Variants in KRT3 observed in about 807,000 individuals in gnomAD.
The protein encoded by KRT3 is keratin 3.
In KRT3, 34 loss-of-function variants were observed where a neutral mutation model predicts 45.8. The observed-to-expected ratio is 0.74, with a 90% CI of 0.57 to 0.99. KRT3 has a LOEUF of 0.99. Ranked by LOEUF, KRT3 falls within the 50% of genes least tolerant of loss-of-function variation. KRT3 has a pLI of 0.00. For missense variants in KRT3, 828 were observed against 820.6 expected, an observed-to-expected ratio of 1.01 and a Z score of -0.11; for synonymous variants, 367 against 329.0, an observed-to-expected ratio of 1.12 and a Z score of -1.25.
At chr12:52,794,475 G>C (rs535313404) in intron 1 of KRT3, 144 bp from the exon 2 acceptor site, 1 of 634,940 alleles carries the variant, frequency 1.6e-6, no homozygotes, top group South Asian at 1.9e-5. Context: ...TCCTACTGTA[G>C]TCAGAGAGAT....
At chr12:52,794,014 G>C in intron 2 of KRT3, 97 bp downstream of exon 2, 1 of 875,100 alleles carries the variant, frequency 1.1e-6, no homozygotes, top group Non-Finnish European at 1.9e-6. Context: ...TGGGCCAGGA[G>C]ACGCCACTGC....
intron 5 of KRT3, among the ~76,000 whole-genome samples, 193 bp from the exon 6 acceptor site, chr12:52,792,009 C>T (rs754262938): frequency 3.3e-5 from 5 of 152,194 alleles, no homozygotes; most frequent in Admixed American, 6.5e-5. Flanking sequence ...AGAAGATTTT[C>T]CTACCCTGTA....
chr12:52,790,087 G>A lies in KRT3; in HGVS notation c.1842C>T (p.Ile614=). The A allele has an allele frequency of 1.3e-6, 2 of 1,542,058 alleles. No homozygotes were observed. The highest frequency in any genetic ancestry group is 1.7e-6 in the Non-Finnish European group (2 of 1,146,890). The change falls in exon 9 of 9, where the codon ATC becomes ATT. Residue 614 remains isoleucine (I), a synonymous_variant. Coordinates refer to ENST00000417996, the MANE Select transcript of KRT3 (RefSeq NM_057088.3). ...FSSASNRGGS[I]KFSQSSQSSQ... is the part of the protein sequence containing the mutation. ...AGGACTGGGAGGACTGGGAGAACTT[G>A]ATGCTGCCGCCCCGGTTGCTGGCCG...
chr12:52,794,016 C>T (rs906809340), intron 2 of KRT3, 95 bp downstream of exon 2: 11 of 904,172 alleles, frequency 1.2e-5, no homozygotes, highest in East Asian at 4.8e-5. Context: ...GGCCAGGAGA[C>T]GCCACTGCCC....
intron 6 of KRT3, 45 bp from the exon 7 acceptor site, chr12:52,791,471 C>A: frequency 6.3e-7 from 1 of 1,581,798 alleles, no homozygotes; most frequent in Non-Finnish European, 8.7e-7. Context: ...AAGAGGGCCC[C>A]AGGCCCTTCC....
At chr12:52,794,825 C>T (rs1468409098) in intron 1 of KRT3, among the ~76,000 whole-genome samples, 1 of 152,212 alleles carries the variant, frequency 6.6e-6, no homozygotes, top group African/African-American at 2.4e-5. Context: ...CCCATGAGAA[C>T]TGTCCTGGTC....
At position 52,790,886 on chromosome 12, in the gene KRT3, C is replaced by G. The variant is rs763910478; in HGVS notation, c.1536-14G>C. The G allele has an allele frequency of 6.3e-7, 1 of 1,592,380 alleles. No individual in the cohort carries two copies. The highest frequency in any genetic ancestry group is 8.6e-7 in the Non-Finnish European group (1 of 1,169,392). ...TCTCCAGACATCCTGTTTGAGAAAGCAAGAGAAAGTGGGCCCCGTCACAAA... is the reference window on the plus strand; with the variant it reads ...TCTCCAGACATCCTGTTTGAGAAAGGAAGAGAAAGTGGGCCCCGTCACAAA... On this transcript the variant is annotated splice_polypyrimidine_tract_variant and intron_variant, in intron 7 of 8. Coordinates refer to ENST00000417996, the MANE Select transcript of KRT3 (RefSeq NM_057088.3).
At position 52,790,315 on chromosome 12, in the gene KRT3, A is replaced by C; in HGVS notation, c.1614T>G (p.Tyr538Ter). 4 of 1,584,024 alleles carry C rather than the reference A, an allele frequency of 2.5e-6. No homozygotes were observed. Among genetic ancestry groups the C allele is most frequent in the Non-Finnish European group, 3.4e-6 (4 of 1,164,632 alleles). ...SSTTSASAGG[Y>*]GGGYGGGMGG... is the part of the protein sequence containing the mutation. Reference sequence around the variant, plus strand: ...CCATGCCTCCGCCGTAACCTCCTCCATAGCCACCTGCGGAGGCGGAAGTCG... The same window carrying C: ...CCATGCCTCCGCCGTAACCTCCTCCCTAGCCACCTGCGGAGGCGGAAGTCG... Residue 538 changes from tyrosine to a stop codon, truncating the protein, a stop_gained, in exon 9 of 9, where the codon TAT becomes TAG. Coordinates refer to ENST00000417996, the MANE Select transcript of KRT3 (RefSeq NM_057088.3). LOFTEE classifies it low-confidence loss of function (END_TRUNC).
chr12:52,795,314 C>T, intron 1 of KRT3, 84 bp downstream of exon 1: 1 of 1,543,934 alleles, frequency 6.5e-7, no homozygotes, highest in South Asian at 1.1e-5. Context: ...CTGGCCTATC[C>T]AAGAAACATT....
Position 52,796,011 on chromosome 12 carries a change from C to T in KRT3, c.32G>A (p.Gly11Asp). 6.2e-7 allele frequency: 1 copy of T among 1,613,748 alleles called. No individual in the cohort carries two copies. The highest frequency in any genetic ancestry group is 8.5e-7 in the Non-Finnish European group (1 of 1,179,904). MSRQASKTSG[G>D]GSQGFSGRSA... ...GCGGCCGGAGAAACCCTGGCTCCCGCCACCAGATGTCTTGCTGGCTTGTCT... is the reference window on the plus strand; with the variant it reads ...GCGGCCGGAGAAACCCTGGCTCCCGTCACCAGATGTCTTGCTGGCTTGTCT... Residue 11 changes from glycine to aspartate, a missense_variant, in exon 1 of 9, where the codon GGC becomes GAC. Transcript: ENST00000417996.
chr12:52,791,839 G>A (rs1253239100), intron 5 of KRT3, 23 bp from the exon 6 acceptor site: 1 of 1,607,764 alleles, frequency 6.2e-7, no homozygotes, highest in Non-Finnish European at 8.5e-7. Context: ...AGGGAAGATG[G>A]GGTATTCCTG....
rs1476307143 is a variant in KRT3, at chr12:52,791,193, A to C, written c.1535+13T>G. 1.2e-6 allele frequency: 2 copies of C among 1,613,972 alleles called. No homozygotes were observed. The highest frequency in any genetic ancestry group is 2.2e-5 in the East Asian group (1 of 44,898). On this transcript the variant is annotated intron_variant, in intron 7 of 8. Coordinates refer to ENST00000417996, the MANE Select transcript of KRT3 (RefSeq NM_057088.3). ...GAGCCAGGGGGTGTGGGAAGACGGG[A>C]CTGGAGGCTCACCTGTACTCCTCGC...
At position 52,790,900 on chromosome 12, in the gene KRT3, C is replaced by T. The variant is rs779574715; in HGVS notation, c.1536-28G>A. On this transcript the variant is annotated intron_variant, in intron 7 of 8. Coordinates refer to ENST00000417996, the MANE Select transcript of KRT3 (RefSeq NM_057088.3). ...GTTTGAGAAAGCAAGAGAAAGTGGG[C>T]CCCGTCACAAAGCACATCACCAACA... 3.8e-6 allele frequency: 6 copies of T among 1,581,306 alleles called. No homozygotes were observed. In the South Asian group the frequency reaches 6.9e-5, roughly 18 times the overall value.
chr12:52,794,910 C>T (rs1309611545), intron 1 of KRT3, among the ~76,000 whole-genome samples: 1 of 152,218 alleles, frequency 6.6e-6, no homozygotes, highest in Non-Finnish European at 1.5e-5. Flanking sequence ...TTTCTCTGCG[C>T]TCCCTTGGGA....
chr12:52,790,785 G>C, intron 8 of KRT3, 53 bp downstream of exon 8: 1 of 1,423,714 alleles, frequency 7.0e-7, no homozygotes, highest in Non-Finnish European at 9.7e-7. Context: ...CCCTGGATTA[G>C]TGCAGATATT....
chr12:52,796,083 G>C lies in KRT3; in HGVS notation c.-41C>G, dbSNP rs1278978544. On this transcript the variant is annotated 5_prime_UTR_variant, in exon 1 of 9. Coordinates refer to ENST00000417996, the MANE Select transcript of KRT3 (RefSeq NM_057088.3). ...GAAGAGAAGAGTGTAAGTTAAGCAG[G>C]GACACTGAGAGTCAGAGGAAGAGGG... The C allele has an allele frequency of 1.2e-6, 2 of 1,602,082 alleles. No homozygotes were observed. Among genetic ancestry groups the C allele is most frequent in the East Asian group, 2.2e-5 (1 of 44,782 alleles).
In KRT3 at chr12:52,795,627, C is replaced by A; in HGVS notation, c.416G>T (p.Gly139Val). The change falls in exon 1 of 9, where the codon GGT becomes GTT. Residue 139 changes from glycine (G) to valine (V), a missense_variant. Transcript: ENST00000417996. ...ACCAGACCCACCAAAGCCACCAGGA[C>A]CACCAAAGCCACCAGCCCCTCCAAA... The part of the protein sequence containing the change: ...GGFGGAGGFG[G>V]PGGFGGSGGF... 1.3e-6 allele frequency: 2 copies of A among 1,584,756 alleles called. No homozygotes were observed. The highest frequency in any genetic ancestry group is 1.7e-6 in the Non-Finnish European group (2 of 1,167,082).
chr12:52,793,121 C>T, intron 3 of KRT3, 42 bp downstream of exon 3: 11 of 1,543,690 alleles, frequency 7.1e-6, no homozygotes, highest in Non-Finnish European at 9.8e-6. Flanking sequence ...CAGCCAGAAA[C>T]CTGCAGCTGC....
chr12:52,793,305 A>G (rs1939569069), intron 2 of KRT3, 82 bp from the exon 3 acceptor site: 4 of 912,854 alleles, frequency 4.4e-6, no homozygotes, highest in African/African-American at 1.6e-5. Flanking sequence ...CTGAAAGTTC[A>G]TCTCTTCCCT....
Sources: gnomAD v4.1 joint callset for allele counts (sites outside exome capture counted in the v4.1 genomes callset) on GRCh38, gnomAD v4.1.1 for gene constraint, MANE v1.5 for transcripts, NCBI Gene and HGNC (gene_info 2026-07-23, HGNC 2026-07-21) for gene names.